Variants in GNPDA1 observed in about 807,000 individuals in gnomAD.
The protein encoded by GNPDA1 is glucosamine-6-phosphate deaminase 1.
GNPDA1 carries 24 observed loss-of-function variants against 28.5 expected under a neutral mutation model. The ratio of observed to expected loss-of-function variants is 0.84; its 90% CI spans 0.61 to 1.19. The LOEUF (loss-of-function observed/expected upper bound fraction) is 1.19. Ranked by LOEUF, GNPDA1 falls within the 50% of genes most tolerant of loss-of-function variation. The probability of loss-of-function intolerance (pLI) is 0.00; values close to 1 mark genes in which losing one functional copy is unlikely to be tolerated. For missense variants in GNPDA1, 264 were observed against 367.3 expected (o/e 0.72, Z 2.30); for synonymous variants, 147 against 139.3 (o/e 1.06, Z -0.39).
At chr5:142,007,717 T>C in intron 3 of GNPDA1, 82 bp downstream of exon 3, 1 of 801,692 alleles carries the variant, frequency 1.2e-6, no homozygotes, top group Non-Finnish European at 2.1e-6. Flanking sequence ...GGCTCCCCGA[T>C]TCCTCTCCAG....
chr5:142,001,335 GGA>G lies in GNPDA1; in HGVS notation c.*692_*693del, dbSNP rs1755673400. ...CTTCCACCTTCTGCCTTTTGGTGCT[GGA>G]GAGTCCCTGAGGGAGAGAAGTTTGA... On this transcript the variant is annotated 3_prime_UTR_variant, in exon 7 of 7. Coordinates refer to ENST00000311337, the MANE Select transcript of GNPDA1 (RefSeq NM_005471.5). 1 of 152,316 alleles carries G rather than the reference GGA, an allele frequency of 6.6e-6. No homozygotes were observed. The highest frequency in any genetic ancestry group is 1.5e-5 in the Non-Finnish European group (1 of 68,066). 9.4% of individuals were successfully genotyped at this position (152,316 alleles called of 1,614,324 possible). A position where few individuals can be genotyped will look rare whatever the true frequency, so the allele number is the denominator to read the frequency against.
chr5:142,002,320 G>C (rs528204190), intron 6 of GNPDA1, among the ~76,000 whole-genome samples, 191 bp from the exon 7 acceptor site: 2 of 152,224 alleles, frequency 1.3e-5, no homozygotes, highest in African/African-American at 4.8e-5. Context: ...CTACATTCAT[G>C]GAACTTTTAT....
At chr5:142,007,128 A>C (rs1473099555) in intron 3 of GNPDA1, among the ~76,000 whole-genome samples, 1 of 152,232 alleles carries the variant, frequency 6.6e-6, no homozygotes, top group Non-Finnish European at 1.5e-5. Context: ...GAGTCTTACA[A>C]GATGAAAAGA....
chr5:142,003,151 C>G lies in GNPDA1; in HGVS notation c.706G>C (p.Val236Leu), dbSNP rs762824840. The G allele has an allele frequency of 6.2e-7, 1 of 1,614,122 alleles. No homozygotes were observed. The highest frequency in any genetic ancestry group is 8.5e-7 in the Non-Finnish European group (1 of 1,179,996). Residue 236 changes from valine (V) to leucine (L), a missense_variant, in exon 6 of 7, where the codon GTG becomes CTG. Physicochemically the swap from Val to Leu is conservative, Grantham distance 32 (BLOSUM62 1). Transcript: ENST00000311337. This position sits in a 1 kb window ranked among gnomAD's most constrained non-coding sequence, Gnocchi z 4.0. Reference sequence around the variant, plus strand: ...GTGGCATCCTCGTCACACACAAACACGGTGCGGGGATGCTGCTGGAAGGCA... The same window carrying G: ...GTGGCATCCTCGTCACACACAAACAGGGTGCGGGGATGCTGCTGGAAGGCA... ...VSAFQQHPRT[V>L]FVCDEDATLE...
At position 142,000,857 on chromosome 5, in the gene GNPDA1, G is replaced by A. The variant is rs1019596012; in HGVS notation, c.*1172C>T. On this transcript the variant is annotated 3_prime_UTR_variant, in exon 7 of 7. Coordinates refer to ENST00000311337, the MANE Select transcript of GNPDA1 (RefSeq NM_005471.5). Reference sequence around the variant, plus strand: ...TTTCCCAGAAATGGAGGCAGCAGTAGCTTCAAACAGGCACAAAAACAGCCA... The same window carrying A: ...TTTCCCAGAAATGGAGGCAGCAGTAACTTCAAACAGGCACAAAAACAGCCA... 6.6e-6 allele frequency: 1 copy of A among 152,568 alleles called. No homozygotes were observed. Among genetic ancestry groups the A allele is most frequent in the Non-Finnish European group, 1.5e-5 (1 of 68,154 alleles). The allele number at this position is 152,568 out of a possible 1,614,324, so 9.5% of individuals were successfully genotyped here.
At position 142,003,699 on chromosome 5, in the gene GNPDA1, G is replaced by A. The variant is rs1755732857; in HGVS notation, c.595-437C>T. On this transcript the variant is annotated intron_variant, in intron 5 of 6. Transcript: ENST00000311337. The surrounding 1 kb of genome is among the most constrained non-coding windows in gnomAD (Gnocchi z 4.0). ...GGGCACTTTGCAAGCAATGGTGGGAGTTATCTGTGGGGCCTCTAAGGCTGA... is the reference window on the plus strand; with the variant it reads ...GGGCACTTTGCAAGCAATGGTGGGAATTATCTGTGGGGCCTCTAAGGCTGA... Among the ~76,000 whole-genome samples, 1 of 152,234 alleles carries A rather than the reference G, an allele frequency of 6.6e-6. No homozygotes were observed. The highest frequency in any genetic ancestry group is 2.4e-5 in the African/African-American group (1 of 41,458).
rs1472540523 is a variant in GNPDA1, at chr5:142,001,128, AG to A, written c.*900del. On this transcript the variant is annotated 3_prime_UTR_variant, in exon 7 of 7. Transcript: ENST00000311337. ...AGGTAAGCAGGAGAGCGGGACACTC[AG>A]GAGTTGTGACTAAACTCACACTTAA... The A allele has an allele frequency of 6.6e-6, 1 of 152,352 alleles. No homozygotes were observed. Among genetic ancestry groups the A allele is most frequent in the Non-Finnish European group, 1.5e-5 (1 of 68,044 alleles). The allele number at this position is 152,352 out of a possible 1,614,324, so 9.4% of individuals were successfully genotyped here.
chr5:142,006,681 A>G (rs1755814073), intron 3 of GNPDA1, among the ~76,000 whole-genome samples: 1 of 152,138 alleles, frequency 6.6e-6, no homozygotes, highest in South Asian at 2.1e-4. Context: ...AACTCATCTT[A>G]GAAAGCAAGC....
intron 1 of GNPDA1, 104 bp from the exon 2 acceptor site, chr5:142,012,145 T>A (rs1755975586): frequency 1.6e-6 from 2 of 1,216,892 alleles, no homozygotes; most frequent in Non-Finnish European, 2.3e-6. Context: ...ACAATCCCCT[T>A]CCCAAGCTGT....
intron 6 of GNPDA1, 136 bp downstream of exon 6, chr5:142,002,952 T>G (rs1755712694): frequency 1.5e-6 from 1 of 651,966 alleles, no homozygotes; most frequent in Admixed American, 2.8e-5. Context: ...CTGTGTAGTG[T>G]GATGCAGTTG....
In GNPDA1 at chr5:142,003,525, C is replaced by T. The variant is rs1269179842; in HGVS notation, c.595-263G>A. ...CCAAAGTTCATGTTCTTGACTACCA[C>T]GTGACAGTGCCTCCAGGTATCTTTG... On this transcript the variant is annotated intron_variant, in intron 5 of 6. Coordinates refer to ENST00000311337, the MANE Select transcript of GNPDA1 (RefSeq NM_005471.5). This position sits in a 1 kb window ranked among gnomAD's most constrained non-coding sequence, Gnocchi z 4.0. Among the ~76,000 whole-genome samples the T allele has an allele frequency of 6.6e-6, 1 of 152,188 alleles. No homozygotes were observed. Among genetic ancestry groups the T allele is most frequent in the African/African-American group, 2.4e-5 (1 of 41,444 alleles).
At position 142,011,934 on chromosome 5, in the gene GNPDA1, G is replaced by A. The variant is rs370981333; in HGVS notation, c.102C>T (p.Tyr34=). ...CACCAGTGGGGAGCCCCAGGGTGAA[G>A]TACTTCTCTGGCCCTGGGTTAAACT... ...IIQFNPGPEK[Y]FTLGLPTGST... Residue 34 remains tyrosine (Y), a synonymous_variant, in exon 2 of 7, where the codon TAC becomes TAT. Coordinates refer to ENST00000311337, the MANE Select transcript of GNPDA1 (RefSeq NM_005471.5). The A allele has an allele frequency of 1.2e-5, 20 of 1,614,104 alleles. No individual in the cohort carries two copies. The African/African-American group carries it at 2.5e-4, about 20-fold the overall frequency.
intron 2 of GNPDA1, among the ~76,000 whole-genome samples, chr5:142,010,576 T>C (rs544535551): frequency 9.3e-5 from 14 of 150,616 alleles, no homozygotes; most frequent in African/African-American, 3.2e-4. Context: ...AATTGCACAA[T>C]CATGGTTCAC....
intron 2 of GNPDA1, among the ~76,000 whole-genome samples, chr5:142,010,551 C>G (rs1159821689): frequency 2.0e-5 from 3 of 148,162 alleles, no homozygotes; most frequent in Admixed American, 1.4e-4. Flanking sequence ...TGCTCTGTCA[C>G]CTAGGCTGGA....
In GNPDA1 at chr5:142,005,070, A is replaced by C; in HGVS notation, c.456T>G (p.Ser152Arg). Residue 152 changes from serine to arginine, a missense_variant, in exon 5 of 7, where the codon AGT becomes AGG. Coordinates refer to ENST00000311337, the MANE Select transcript of GNPDA1 (RefSeq NM_005471.5). Reference sequence around the variant, plus strand: ...TCTTCACACGGGTCCTGGACACCAGACTGGAGCCTGGCTCGTTGAAGGCAA... The same window carrying C: ...TCTTCACACGGGTCCTGGACACCAGCCTGGAGCCTGGCTCGTTGAAGGCAA... ...GHIAFNEPGS[S>R]LVSRTRVKTL... 6.2e-7 allele frequency: 1 copy of C among 1,612,322 alleles called. No homozygotes were observed. The highest frequency in any genetic ancestry group is 1.1e-5 in the South Asian group (1 of 91,000).
Position 142,003,463 on chromosome 5 carries a change from A to G in GNPDA1, c.595-201T>C, listed in dbSNP as rs252113. Among the ~76,000 whole-genome samples, 134,370 of 152,244 alleles carry G rather than the reference A, an allele frequency of 0.88. 59,554 individuals carry two copies. The highest frequency in any genetic ancestry group is 0.98 in the East Asian group (5,086 of 5,182). ...CCATCTTATAAGAAAACAGAGCCCC[A>G]GGGGGTTAAATAACTTGCCCAGGGT... On this transcript the variant is annotated intron_variant, in intron 5 of 6. Transcript: ENST00000311337. The surrounding 1 kb of genome is among the most constrained non-coding windows in gnomAD (Gnocchi z 4.0).
Position 142,003,104 on chromosome 5 carries a change from A to T in GNPDA1, c.753T>A (p.Thr251=), listed in dbSNP as rs1281002343. 2 of 1,613,442 alleles carry T rather than the reference A, an allele frequency of 1.2e-6. No homozygotes were observed. The highest frequency in any genetic ancestry group is 1.7e-6 in the Non-Finnish European group (2 of 1,179,584). The change falls in exon 6 of 7, where the codon ACT becomes ACA. Residue 251 remains threonine (T), a synonymous_variant. Coordinates refer to ENST00000311337, the MANE Select transcript of GNPDA1 (RefSeq NM_005471.5). The surrounding 1 kb of genome is among the most constrained non-coding windows in gnomAD (Gnocchi z 4.0). ...EDATLELKVK[T]VKYFKGLMLV... is the part of the protein sequence containing the mutation. ...CTCCCTCACCTTTGAAATACTTGACAGTCTTCACTTTCAGCTCCAAGGTGG... is the reference window on the plus strand; with the variant it reads ...CTCCCTCACCTTTGAAATACTTGACTGTCTTCACTTTCAGCTCCAAGGTGG...
chr5:142,005,138 A>G (rs772237009), intron 4 of GNPDA1, 22 bp from the exon 5 acceptor site: 1 of 1,556,256 alleles, frequency 6.4e-7, no homozygotes, highest in South Asian at 1.1e-5. Context: ...GAGCCCGTGC[A>G]GCCCTGTCAG....
chr5:142,005,927 C>T, intron 4 of GNPDA1: 1 of 468,382 alleles, frequency 2.1e-6, no homozygotes, highest in Non-Finnish European at 3.9e-6. Flanking sequence ...CAAACCCAAA[C>T]CTCTCAGTTT....
Sources: gnomAD v4.1 joint callset for allele counts (sites outside exome capture counted in the v4.1 genomes callset) on GRCh38, gnomAD v4.1.1 for gene constraint, Gnocchi (gnomAD v3.1) non-coding constraint, MANE v1.5 for transcripts, NCBI Gene and HGNC (gene_info 2026-07-23, HGNC 2026-07-21) for gene names.